KCNB2: variants seen among roughly 807,000 people sequenced by gnomAD.
KCNB2 encodes delayed rectifier potassium channel protein.
In KCNB2, 15 loss-of-function variants were observed where a neutral mutation model predicts 61.5. That is an observed-to-expected ratio of 0.24 (90% confidence interval 0.16 to 0.38). The LOEUF (loss-of-function observed/expected upper bound fraction) is 0.38. KCNB2 is among the 10% of genes least tolerant of loss of function. The probability of loss-of-function intolerance (pLI) is 1.00; values close to 1 mark genes in which losing one functional copy is unlikely to be tolerated. For synonymous variants in KCNB2, 457 were observed against 446.0 expected (o/e 1.02, Z -0.31); for missense variants, 828 against 1,125.2 (o/e 0.74, Z 3.78).
chr8:72,707,275 C>A (rs967557134), intron 2 of KCNB2, among the ~76,000 whole-genome samples: 5 of 152,146 alleles, frequency 3.3e-5, no homozygotes, highest in Admixed American at 3.3e-4. Flanking sequence ...TGCTTAAAAT[C>A]TTTAATTTAG....
chr8:72,807,496 T>C (rs1809244151), intron 2 of KCNB2, among the ~76,000 whole-genome samples: 1 of 152,206 alleles, frequency 6.6e-6, no homozygotes, highest in African/African-American at 2.4e-5. Flanking sequence ...TCGGAATGGC[T>C]CTGTGGGCAG....
At chr8:72,785,482 A>G (rs1483230170) in intron 2 of KCNB2, among the ~76,000 whole-genome samples, 1 of 152,200 alleles carries the variant, frequency 6.6e-6, no homozygotes, top group Non-Finnish European at 1.5e-5. Context: ...CTCTCTGGAA[A>G]GAAAATAAAG....
At chr8:72,758,330 G>A (rs549698807) in intron 2 of KCNB2, among the ~76,000 whole-genome samples, 1 of 152,310 alleles carries the variant, frequency 6.6e-6, no homozygotes, top group South Asian at 2.1e-4. Context: ...GGCAGCCTAG[G>A]TGTAGCAGCA....
intron 2 of KCNB2, among the ~76,000 whole-genome samples, chr8:72,683,906 C>T (rs1169983014): frequency 2.6e-5 from 4 of 152,100 alleles, no homozygotes; most frequent in Non-Finnish European, 2.9e-5. Context: ...GGAGCTAGGT[C>T]ATGAAGGCCT....
intron 2 of KCNB2, among the ~76,000 whole-genome samples, chr8:72,683,447 G>T (rs1806796655): frequency 1.3e-5 from 2 of 152,178 alleles, no homozygotes; most frequent in South Asian, 4.1e-4. Flanking sequence ...AAAAATTAAA[G>T]AATCGAAAGA....
At chr8:72,641,346 G>T (rs143263199) in intron 2 of KCNB2, among the ~76,000 whole-genome samples, 1 of 152,018 alleles carries the variant, frequency 6.6e-6, no homozygotes, top group Non-Finnish European at 1.5e-5. Flanking sequence ...ATCCAGGTGA[G>T]TTAAATCACA....
chr8:72,828,453 T>A (rs1195579252), intron 2 of KCNB2, among the ~76,000 whole-genome samples: 1 of 152,180 alleles, frequency 6.6e-6, no homozygotes, highest in African/African-American at 2.4e-5. Flanking sequence ...TTTTTTTTAA[T>A]GTGCACATTT....
At chr8:72,763,701 C>T (rs1038251027) in intron 2 of KCNB2, among the ~76,000 whole-genome samples, 1 of 152,204 alleles carries the variant, frequency 6.6e-6, no homozygotes, top group Non-Finnish European at 1.5e-5. Flanking sequence ...TAAACGATTA[C>T]TCAAATATGT....
intron 2 of KCNB2, among the ~76,000 whole-genome samples, chr8:72,922,831 G>A (rs571272292): frequency 1.3e-5 from 2 of 152,198 alleles, no homozygotes; most frequent in Non-Finnish European, 2.9e-5. Context: ...AATCAATTTA[G>A]AAGCTTATTT....
chr8:72,609,289 T>C (rs2128983162), intron 2 of KCNB2, among the ~76,000 whole-genome samples: 1 of 152,316 alleles, frequency 6.6e-6, no homozygotes, highest in South Asian at 2.1e-4. Flanking sequence ...ATAGCAGTAG[T>C]TGATGATTAT....
chr8:72,842,279 G>T (rs943826562), intron 2 of KCNB2, among the ~76,000 whole-genome samples: 2 of 152,198 alleles, frequency 1.3e-5, no homozygotes, highest in African/African-American at 4.8e-5. Context: ...TCCCTGGGAT[G>T]AAGCCATCTT....
rs73686546 is a variant in KCNB2, at chr8:72,851,623, C to T, written c.580-84312C>T. Among the ~76,000 whole-genome samples, 286 of 152,120 alleles carry T rather than the reference C, an allele frequency of 1.9e-3. 3 individuals are homozygous for T. The highest frequency in any genetic ancestry group is 6.7e-3 in the African/African-American group (278 of 41,510). On this transcript the variant is annotated intron_variant, in intron 2 of 2. Transcript: ENST00000523207. ...GCAAGTTGACTTCCACCCCGGACCT[C>T]TCACTGAGCATTTAGTCAGGTTCCA...
chr8:72,920,449 C>CTATATATATATA (rs1490825485), intron 2 of KCNB2, among the ~76,000 whole-genome samples: 2 of 29,668 alleles, frequency 6.7e-5, no homozygotes, highest in Admixed American at 5.4e-4. Context: ...CTATATCTAT[C>CTATATATATATA]TATCTATCTA....
At chr8:72,829,873 T>C (rs1395299382) in intron 2 of KCNB2, among the ~76,000 whole-genome samples, 1 of 151,434 alleles carries the variant, frequency 6.6e-6, no homozygotes, top group Non-Finnish European at 1.5e-5. Flanking sequence ...ACCATCAATA[T>C]ATGAATACTG....
intron 1 of KCNB2, among the ~76,000 whole-genome samples, chr8:72,552,732 C>T (rs1806363934): frequency 6.6e-6 from 1 of 152,108 alleles, no homozygotes; most frequent in Non-Finnish European, 1.5e-5. Context: ...TGTTTCTGTC[C>T]ACTGGCACTG....
intron 2 of KCNB2, among the ~76,000 whole-genome samples, chr8:72,871,057 C>T (rs1805607245): frequency 6.6e-6 from 1 of 152,122 alleles, no homozygotes; most frequent in Non-Finnish European, 1.5e-5. Flanking sequence ...TCTGTTCCCC[C>T]CACCAACGTA....
At chr8:72,703,274 C>G (rs906927260) in intron 2 of KCNB2, among the ~76,000 whole-genome samples, 1 of 152,162 alleles carries the variant, frequency 6.6e-6, no homozygotes, top group Non-Finnish European at 1.5e-5. Flanking sequence ...TAGCAAGGTT[C>G]AGCTTCTGGG....
chr8:72,556,389 CA>C (rs1806426822), intron 1 of KCNB2, among the ~76,000 whole-genome samples: 1 of 151,772 alleles, frequency 6.6e-6, no homozygotes, highest in African/African-American at 2.4e-5. Context: ...AGAGAGGGGG[CA>C]GGGGAGAGGG....
At chr8:72,790,508 G>A (rs1387001629) in intron 2 of KCNB2, among the ~76,000 whole-genome samples, 1 of 152,072 alleles carries the variant, frequency 6.6e-6, no homozygotes, top group East Asian at 1.9e-4. Context: ...TAGAATGTGG[G>A]GACAGATGCC....
Sources: gnomAD v4.1 joint callset for allele counts (sites outside exome capture counted in the v4.1 genomes callset) on GRCh38, gnomAD v4.1.1 for gene constraint, MANE v1.5 for transcripts, NCBI Gene and HGNC (gene_info 2026-07-23, HGNC 2026-07-21) for gene names.